Variants in SPINK5 observed in about 807,000 individuals in gnomAD.
The protein encoded by SPINK5 is serine peptidase inhibitor Kazal type 5.
A neutral mutation model predicts 151.8 loss-of-function variants in SPINK5; 125 were observed. The observed-to-expected ratio is 0.82, with a 90% confidence interval of 0.71 to 0.96. SPINK5 has a LOEUF of 0.96. SPINK5 is among the 40% of genes least tolerant of loss of function. SPINK5 has a pLI of 0.00. For missense variants in SPINK5, 1,194 were observed against 1,291.9 expected, an observed-to-expected ratio of 0.92 and a Z score of 1.16; for synonymous variants, 374 against 395.3, an observed-to-expected ratio of 0.95 and a Z score of 0.64.
intron 2 of SPINK5, 102 bp downstream of exon 2, chr5:148,065,474 T>C: frequency 8.0e-7 from 1 of 1,243,076 alleles, no homozygotes; most frequent in Non-Finnish European, 1.2e-6. Context: ...CATATTATAC[T>C]GGTAGGTACT....
At chr5:148,123,005 C>T (rs10060456) in intron 26 of SPINK5, among the ~76,000 whole-genome samples, 9,498 of 150,530 alleles carry the variant, frequency 0.063, 987 homozygotes, top group African/African-American at 0.22. Context: ...ATACTGAGTG[C>T]ACTCATAGGG....
At chr5:148,086,973 C>T (rs532844109) in intron 5 of SPINK5, among the ~76,000 whole-genome samples, 1 of 147,648 alleles carries the variant, frequency 6.8e-6, no homozygotes. Context: ...AATATATTTA[C>T]ACACATACAT....
At chr5:148,108,425 T>C (rs923252931) in intron 17 of SPINK5, among the ~76,000 whole-genome samples, 1 of 152,174 alleles carries the variant, frequency 6.6e-6, no homozygotes, top group African/African-American at 2.4e-5. Context: ...GAGGAAAGGT[T>C]TAAGCAGTGA....
chr5:148,104,963 A>G lies in SPINK5; in HGVS notation c.1442A>G (p.Glu481Gly), dbSNP rs1240230585. 5.0e-6 allele frequency: 8 copies of G among 1,613,610 alleles called. No homozygotes were observed. Among genetic ancestry groups the G allele is most frequent in the Non-Finnish European group, 5.9e-6 (7 of 1,179,818 alleles). The change falls in exon 16 of 33, where the codon GAA (glutamate) becomes GGA (glycine). Residue 481 changes from glutamate (E) to glycine (G), a missense_variant. By Grantham distance (98) the Glu-to-Gly change is moderately conservative. Coordinates refer to ENST00000256084, the MANE Select transcript of SPINK5 (RefSeq NM_006846.4). Reference sequence around the variant, plus strand: ...TCGGTTTCTTAAAGTCAACAAGAAGAAAGAGCAAGAGCAAAGGCTAAAAGA... The same window carrying G: ...TCGGTTTCTTAAAGTCAACAAGAAGGAAGAGCAAGAGCAAAGGCTAAAAGA... ...SMCEAFFQQE[E>G]RARAKAKREA...
intron 22 of SPINK5, among the ~76,000 whole-genome samples, chr5:148,118,002 A>G (rs1754143019): frequency 6.6e-6 from 1 of 151,912 alleles, no homozygotes; most frequent in South Asian, 2.1e-4. Flanking sequence ...TGCCAGACCT[A>G]GATGTTAGGG....
chr5:148,099,021 C>T (rs1175351004), intron 11 of SPINK5, among the ~76,000 whole-genome samples: 1 of 152,104 alleles, frequency 6.6e-6, no homozygotes. Context: ...CCACTATTGC[C>T]GTCTTTCTTT....
At chr5:148,083,546 C>A (rs1220979083) in intron 4 of SPINK5, among the ~76,000 whole-genome samples, 1 of 151,564 alleles carries the variant, frequency 6.6e-6, no homozygotes, top group Admixed American at 6.6e-5. Flanking sequence ...TATCCCTAAA[C>A]AAATAGCCAT....
At chr5:148,089,451 T>G in intron 6 of SPINK5, 43 bp from the exon 7 acceptor site, 1 of 1,610,900 alleles carries the variant, frequency 6.2e-7, no homozygotes. Context: ...GTTGTCAGCA[T>G]TACAATCTTG....
In SPINK5 at chr5:148,128,868, CAGAT is replaced by C. The variant is rs749264816; in HGVS notation, c.2964+1792_2964+1795del. On this transcript the variant is annotated intron_variant, in intron 30 of 32. Coordinates refer to ENST00000256084, the MANE Select transcript of SPINK5 (RefSeq NM_006846.4). ...GCTAGGTTAATAGCCATAAACAAAA[CAGAT>C]AGCGCTCACTACATGAAGTTCATAG... Among the ~76,000 whole-genome samples, 10 of 152,154 alleles carry C rather than the reference CAGAT, an allele frequency of 6.6e-5. No individual in the cohort carries two copies. In the East Asian group the frequency reaches 7.7e-4, roughly 12 times the overall value.
chr5:148,118,969 A>G lies in SPINK5; in HGVS notation c.2241-17A>G. 1.2e-6 allele frequency: 2 copies of G among 1,613,150 alleles called. No individual in the cohort carries two copies. The highest frequency in any genetic ancestry group is 1.7e-6 in the Non-Finnish European group (2 of 1,179,234). The stretch of plus-strand genomic sequence containing the variant: ...ATATTTGTTAACAAGATGAATATTC[A>G]CTTTTTTCTCCTCCAGGGAAAGAGA... On this transcript the variant is annotated splice_polypyrimidine_tract_variant and intron_variant, in intron 23 of 32. Transcript: ENST00000256084.
Position 148,100,513 on chromosome 5 carries a change from G to A in SPINK5, c.1152G>A (p.Glu384=), listed in dbSNP as rs1753609635. 1.9e-6 allele frequency: 3 copies of A among 1,613,194 alleles called. No individual in the cohort carries two copies. Among genetic ancestry groups the A allele is most frequent in the African/African-American group, 1.3e-5 (1 of 74,848 alleles). The part of the protein sequence containing the change: ...VRNGKLACTR[E]NDPIQGPDGK... ...ACGGAAAACTTGCTTGCACCAGAGA[G>A]AACGATCCTATCCAGGGCCCAGATG... is the stretch of plus-strand genomic sequence containing the variant. The change falls in exon 13 of 33, where the codon GAG becomes GAA. Residue 384 remains glutamate, a synonymous_variant. Coordinates refer to ENST00000256084, the MANE Select transcript of SPINK5 (RefSeq NM_006846.4).
chr5:148,084,071 A>T (rs1753091247), intron 4 of SPINK5, among the ~76,000 whole-genome samples: 1 of 151,868 alleles, frequency 6.6e-6, no homozygotes, highest in Admixed American at 6.6e-5. Context: ...TCTCTCCATA[A>T]CATAATTAGA....
chr5:148,134,477 A>C (rs776689756), intron 32 of SPINK5, among the ~76,000 whole-genome samples: 2 of 152,190 alleles, frequency 1.3e-5, no homozygotes, highest in Non-Finnish European at 2.9e-5. Context: ...TATGGGATAA[A>C]TGTGAGTGCA....
chr5:148,102,228 G>C (rs1362224204), intron 15 of SPINK5, among the ~76,000 whole-genome samples: 2 of 152,096 alleles, frequency 1.3e-5, no homozygotes, highest in Admixed American at 1.3e-4. Flanking sequence ...GAGTAGGGAA[G>C]GGTGAGGGTT....
chr5:148,134,636 T>A (rs2113243177), intron 32 of SPINK5, among the ~76,000 whole-genome samples: 1 of 152,252 alleles, frequency 6.6e-6, no homozygotes, highest in South Asian at 2.1e-4. Context: ...GTCACTATTA[T>A]TATTATGCCT....
intron 1 of SPINK5, among the ~76,000 whole-genome samples, chr5:148,064,551 C>T (rs1752527197): frequency 6.6e-6 from 1 of 152,050 alleles, no homozygotes; most frequent in Non-Finnish European, 1.5e-5. Context: ...TATCTTCTAG[C>T]TTATTTTAGT....
At chr5:148,105,107 G>A (rs2113133541) in intron 16 of SPINK5, 107 bp downstream of exon 16, 2 of 1,242,526 alleles carry the variant, frequency 1.6e-6, no homozygotes. Flanking sequence ...TTTCATGCCT[G>A]AAATAAATGA....
chr5:148,086,365 T>G, intron 4 of SPINK5, 40 bp from the exon 5 acceptor site: 1 of 1,604,118 alleles, frequency 6.2e-7, no homozygotes, highest in Non-Finnish European at 8.5e-7. Flanking sequence ...GACTATTTTG[T>G]TTCTTACATT....
At chr5:148,078,961 A>G (rs1467685085) in intron 4 of SPINK5, among the ~76,000 whole-genome samples, 2 of 150,980 alleles carry the variant, frequency 1.3e-5, no homozygotes, top group African/African-American at 4.8e-5. Flanking sequence ...TACAAATAAT[A>G]GAAAAAATTA....
Sources: allele counts gnomAD v4.1 joint callset (sites outside exome capture counted in the v4.1 genomes callset), GRCh38; gene constraint gnomAD v4.1.1; transcripts MANE v1.5; gene names NCBI Gene and HGNC (gene_info 2026-07-23, HGNC 2026-07-21).